KIF7: variants seen among roughly 807,000 people sequenced by gnomAD.
KIF7 encodes the protein kinesin-like protein KIF7.
A neutral mutation model predicts 135.7 loss-of-function variants in KIF7; 104 were observed. The observed-to-expected ratio is 0.77, with a 90% confidence interval of 0.65 to 0.90. The LOEUF (loss-of-function observed/expected upper bound fraction) is 0.90. Ranked by LOEUF, KIF7 falls within the 40% of genes least tolerant of loss-of-function variation. KIF7 has a pLI of 0.00. For missense variants in KIF7, 2,005 were observed against 1,839.1 expected, an observed-to-expected ratio of 1.09 and a Z score of -1.65; for synonymous variants, 883 against 809.4, an observed-to-expected ratio of 1.09 and a Z score of -1.54.
chr15:89,619,743 T>C, intron 1 of KIF7: 1 of 1,613,756 alleles, frequency 6.2e-7, no homozygotes, highest in Non-Finnish European at 8.5e-7. Flanking sequence ...AATCAAGCAG[T>C]TGTCATTTAG....
chr15:89,630,027 C>T (rs1963637946), intron 16 of KIF7: 3 of 564,936 alleles, frequency 5.3e-6, no homozygotes, highest in Non-Finnish European at 9.5e-6. Flanking sequence ...AAAAACTTCC[C>T]CTACTGAGAG....
intron 1 of KIF7, among the ~76,000 whole-genome samples, chr15:89,620,230 A>T (rs907920080): frequency 3.9e-5 from 6 of 152,122 alleles, no homozygotes; most frequent in Non-Finnish European, 8.8e-5. Context: ...TTTTTTTGAG[A>T]CAAGGTCTCA....
At chr15:89,641,627 C>G (rs979991867) in intron 11 of KIF7, among the ~76,000 whole-genome samples, 1 of 151,980 alleles carries the variant, frequency 6.6e-6, no homozygotes, top group Non-Finnish European at 1.5e-5. Flanking sequence ...CATGGAGAAA[C>G]CCCGTCTTTA....
In KIF7 at chr15:89,645,049, T is replaced by G; in HGVS notation, c.2155A>C (p.Met719Leu). The G allele has an allele frequency of 6.2e-7, 1 of 1,607,432 alleles. No individual in the cohort carries two copies. The highest frequency in any genetic ancestry group is 8.5e-7 in the Non-Finnish European group (1 of 1,179,980). ...AGCTCGCCAATAAGCTCCTCCTTCA[T>G]GCGGATGTTGATAGCCAGCTCCCGG... is the stretch of plus-strand genomic sequence containing the variant. ...KIRELAINIRMKEELIGELVR... is the reference protein window; with the variant it reads ...KIRELAINIRLKEELIGELVR... The change falls in exon 10 of 19, where the codon ATG (methionine) becomes CTG (leucine). Residue 719 changes from methionine to leucine, a missense_variant. Transcript: ENST00000394412.
chr15:89,638,428 C>T (rs1295238845), intron 11 of KIF7, among the ~76,000 whole-genome samples: 1 of 149,698 alleles, frequency 6.7e-6, no homozygotes, highest in Non-Finnish European at 1.5e-5. Context: ...TCTCCTTAAG[C>T]TGATAAGCAA....
intron 11 of KIF7, among the ~76,000 whole-genome samples, chr15:89,635,049 AC>A (rs1242984475): frequency 6.6e-6 from 1 of 151,884 alleles, no homozygotes; most frequent in Non-Finnish European, 1.5e-5. Context: ...ACTGGGAGGC[AC>A]CCCCCAGCAG....
At chr15:89,653,742 TTATTAGTATTAG>T (rs67242272) in intron 1 of KIF7, among the ~76,000 whole-genome samples, 3,040 of 149,844 alleles carry the variant, frequency 0.02, 96 homozygotes, top group East Asian at 0.11. Context: ...GCTAATTTTA[TTATTAGTATTAG>T]TATTAGTATT....
downstream of KIF7, chr15:89,624,388 ACT>A (rs1228714958): frequency 6.2e-7 from 1 of 1,613,886 alleles, no homozygotes; most frequent in Non-Finnish European, 8.5e-7. Flanking sequence ...TGTTCCCTCA[ACT>A]CCCCCTGAAC....
At position 89,652,608 on chromosome 15, in the gene KIF7, C is replaced by G. The variant is rs1318822623; in HGVS notation, c.323G>C (p.Ser108Thr). The G allele has an allele frequency of 1.3e-6, 2 of 1,522,306 alleles. No homozygotes were observed. The highest frequency in any genetic ancestry group is 1.4e-5 in the African/African-American group (1 of 72,772). 94.3% of individuals were successfully genotyped at this position (1,522,306 alleles called of 1,614,324 possible). Residue 108 changes from serine (S) to threonine (T), a missense_variant, in exon 2 of 19, where the codon AGT becomes ACT. By Grantham distance (58) the Ser-to-Thr change is moderately conservative (BLOSUM62 1). Coordinates refer to ENST00000394412, the MANE Select transcript of KIF7 (RefSeq NM_198525.3). ...SGKTYTMGEA[S>T]VASLLEDEQG... ...CCACGAACAGGGTCACTCACCCACA[C>G]TGGCCTCCCCCATGGTGTATGTCTT...
chr15:89,624,056 G>T (rs1325718951), downstream of KIF7: 2 of 1,613,816 alleles, frequency 1.2e-6, no homozygotes, highest in Admixed American at 1.7e-5. Flanking sequence ...GACCCTCTCA[G>T]AACACCTCCG....
At chr15:89,656,055 T>C (rs966648747), upstream of KIF7, among the ~76,000 whole-genome samples, 1 of 152,206 alleles carries the variant, frequency 6.6e-6, no homozygotes, top group Non-Finnish European at 1.5e-5. Flanking sequence ...AAAACATATT[T>C]GTCACTTAAA....
At chr15:89,650,717 G>T (rs1342172812) in intron 2 of KIF7, among the ~76,000 whole-genome samples, 1 of 151,944 alleles carries the variant, frequency 6.6e-6, no homozygotes. Flanking sequence ...ACAATGGAAT[G>T]CCAGGTAGCC....
intron 1 of KIF7, chr15:89,621,419 A>C (rs756693569): frequency 6.2e-7 from 1 of 1,607,900 alleles, no homozygotes; most frequent in Admixed American, 1.7e-5. Context: ...TCCAGTCCAA[A>C]GTATTCGGTC....
the KIF7 span, among the ~76,000 whole-genome samples, chr15:89,662,113 T>C: frequency 6.6e-6 from 1 of 152,250 alleles, no homozygotes; most frequent in African/African-American, 2.4e-5. Flanking sequence ...AGGAAAGTTA[T>C]GCTTAAGACA....
At chr15:89,619,747 C>T in intron 1 of KIF7, 1 of 1,613,908 alleles carries the variant, frequency 6.2e-7, no homozygotes, top group Non-Finnish European at 8.5e-7. Context: ...AAGCAGTTGT[C>T]ATTTAGCAGG....
intron 1 of KIF7, chr15:89,618,234 T>C (rs1963367176): frequency 6.2e-7 from 1 of 1,608,140 alleles, no homozygotes; most frequent in Non-Finnish European, 8.5e-7. Flanking sequence ...CTTTTTGTTT[T>C]TAATGCAATC....
At position 89,628,266 on chromosome 15, in the gene KIF7, C is replaced by T. The variant is rs1407354494; in HGVS notation, c.*153G>A. 8.7e-6 allele frequency: 8 copies of T among 915,370 alleles called. No individual in the cohort carries two copies. The highest frequency in any genetic ancestry group is 1.3e-5 in the Non-Finnish European group (8 of 619,024). The allele number at this position is 915,370 out of a possible 1,614,324, so 56.7% of individuals were successfully genotyped here. A position where few individuals can be genotyped will look rare whatever the true frequency, so the allele number is the denominator to read the frequency against. ...AAATGAGGGTCCAGTTCTTTTGGGC[C>T]ATGGCCCAAATTTGTTGATCCCAGT... On this transcript the variant is annotated 3_prime_UTR_variant, in exon 19 of 19. Coordinates refer to ENST00000394412, the MANE Select transcript of KIF7 (RefSeq NM_198525.3).
rs76346806 is a variant in KIF7, at chr15:89,629,114, C to T, written c.3526G>A (p.Gly1176Ser). Reference sequence around the variant, plus strand: ...CTCCTGCTGTCTGCTAACCCTTCACCGAGGTGGTCTAGAGTGGAAAGGTCG... The same window carrying T: ...CTCCTGCTGTCTGCTAACCCTTCACTGAGGTGGTCTAGAGTGGAAAGGTCG... ...LLLQQSRDHL[G>S]EGLADSRRQY... The change falls in exon 18 of 19, where the codon GGT becomes AGT. Residue 1176 changes from glycine to serine, a missense_variant. By Grantham distance (56) the Gly-to-Ser change is moderately conservative. Transcript: ENST00000394412. 10 of 1,607,622 alleles carry T rather than the reference C, an allele frequency of 6.2e-6. No individual in the cohort carries two copies. The highest frequency in any genetic ancestry group is 1.6e-4 in the Middle Eastern group (1 of 6,066).
upstream of KIF7, among the ~76,000 whole-genome samples, chr15:89,657,943 A>G (rs980438686): frequency 2.0e-5 from 3 of 152,260 alleles, no homozygotes; most frequent in African/African-American, 7.2e-5. Flanking sequence ...AACTATTGTA[A>G]TTCAGACAAT....
Sources: gnomAD v4.1 joint callset for allele counts (sites outside exome capture counted in the v4.1 genomes callset) on GRCh38, gnomAD v4.1.1 for gene constraint, MANE v1.5 for transcripts, NCBI Gene and HGNC (gene_info 2026-07-23, HGNC 2026-07-21) for gene names.